CFAP47: variants seen among roughly 807,000 people sequenced by gnomAD.
The protein encoded by CFAP47 is cilia- and flagella-associated protein 47.
Under a neutral mutation model 148.1 loss-of-function variants are expected in CFAP47, and 29 were observed. The ratio of observed to expected loss-of-function variants is 0.20; its 90% confidence interval spans 0.15 to 0.27. The LOEUF is 0.27. Ranked by LOEUF, CFAP47 falls within the 10% of genes least tolerant of loss-of-function variation. The pLI, the probability that CFAP47 is intolerant of heterozygous loss-of-function variation, is 1.00. For missense variants in CFAP47, 1,872 were observed against 1,697.5 expected, an observed-to-expected ratio of 1.10 and a Z score of -1.81; for synonymous variants, 664 against 577.3, an observed-to-expected ratio of 1.15 and a Z score of -2.15.
intron 1 of CFAP47, among the ~76,000 whole-genome samples, chrX:35,924,275 G>T (rs1935675406): frequency 9.7e-6 from 1 of 102,659 alleles, no homozygotes; most frequent in Admixed American, 1.0e-4. Context: ...GTACATGTAT[G>T]TGTATATGTA....
chrX:36,034,135 G>T (rs1298128628), intron 23 of CFAP47, among the ~76,000 whole-genome samples: 1 of 111,489 alleles, frequency 9.0e-6, no homozygotes. Flanking sequence ...ACCTGTGACA[G>T]GCTCGCAATC....
intron 56 of CFAP47, among the ~76,000 whole-genome samples, chrX:36,318,870 T>C (rs1556011535): frequency 1.8e-5 from 2 of 111,580 alleles, no homozygotes; most frequent in African/African-American, 6.5e-5. Context: ...GATGTGGTCT[T>C]GCTATGTTGC....
chrX:36,050,836 G>C (rs1225482808), intron 26 of CFAP47, among the ~76,000 whole-genome samples: 1 of 111,946 alleles, frequency 8.9e-6, no homozygotes, highest in Non-Finnish European at 1.9e-5. Context: ...CCTGAGCCAG[G>C]TCCAGGGTAC....
intron 45 of CFAP47, among the ~76,000 whole-genome samples, chrX:36,217,658 G>A (rs782599617): frequency 4.0e-4 from 44 of 111,161 alleles, no homozygotes; most frequent in African/African-American, 1.0e-3. Flanking sequence ...GGTTTTCTGC[G>A]CAATCCAAAT....
At position 36,279,489 on chromosome X, in the gene CFAP47, G is replaced by A. The variant is rs782787927; in HGVS notation, c.7445-998G>A. 2.1e-4 allele frequency among the ~76,000 whole-genome samples: 23 copies of A among 111,812 alleles called. No individual in the cohort carries two copies. The South Asian group carries it at 3.7e-3, about 18-fold the overall frequency. ...CTAAACAGTATTTATAGGCATTGCT[G>A]TAAACTATTTGATTTTGATGCATGG... On this transcript the variant is annotated intron_variant, in intron 49 of 63. Coordinates refer to ENST00000378653, the MANE Select transcript of CFAP47 (RefSeq NM_001304548.2).
intron 37 of CFAP47, among the ~76,000 whole-genome samples, chrX:36,149,428 A>G (rs1051738724): frequency 4.5e-5 from 5 of 110,653 alleles, no homozygotes; most frequent in Admixed American, 1.9e-4. Flanking sequence ...CAGCTGTTTT[A>G]TATGTGCATT....
chrX:36,182,516 T>A (rs1035893623), intron 40 of CFAP47, among the ~76,000 whole-genome samples: 1 of 112,005 alleles, frequency 8.9e-6, no homozygotes, highest in Non-Finnish European at 1.9e-5. Context: ...AAATAATACT[T>A]AGTAACGTTA....
At chrX:36,172,776 T>G (rs1439576805) in intron 39 of CFAP47, among the ~76,000 whole-genome samples, 2 of 111,662 alleles carry the variant, frequency 1.8e-5, no homozygotes, top group Non-Finnish European at 3.8e-5. Flanking sequence ...TGGTTGTGTC[T>G]CTGCCCGGCT....
At chrX:36,259,961 G>A (rs1378056106) in intron 49 of CFAP47, among the ~76,000 whole-genome samples, 2 of 111,370 alleles carry the variant, frequency 1.8e-5, no homozygotes, top group African/African-American at 6.6e-5. Flanking sequence ...GAGAACATGT[G>A]ATATTTGGTT....
At chrX:36,212,397 A>G (rs1023685730) in intron 45 of CFAP47, among the ~76,000 whole-genome samples, 5 of 111,303 alleles carry the variant, frequency 4.5e-5, no homozygotes, top group African/African-American at 1.6e-4. Context: ...CTTCCCAACC[A>G]CAAATGGATT....
At chrX:36,220,309 C>T (rs183828545) in intron 45 of CFAP47, among the ~76,000 whole-genome samples, 4 of 110,809 alleles carry the variant, frequency 3.6e-5, no homozygotes, top group East Asian at 5.7e-4. Context: ...GCGTGTATTC[C>T]GAAATCTGAA....
chrX:36,376,611 A>G (rs1942025456), intron 62 of CFAP47, among the ~76,000 whole-genome samples: 1 of 112,081 alleles, frequency 8.9e-6, no homozygotes, highest in African/African-American at 3.3e-5. Context: ...ACTGGCTTCA[A>G]TATAGTTCGT....
chrX:36,018,138 G>T (rs1051801283), intron 22 of CFAP47, among the ~76,000 whole-genome samples: 2 of 111,477 alleles, frequency 1.8e-5, no homozygotes, highest in South Asian at 7.5e-4. Flanking sequence ...TTGTAAATGG[G>T]AATACTTTTA....
chrX:36,271,363 G>A (rs2146937871), intron 49 of CFAP47, among the ~76,000 whole-genome samples: 1 of 111,313 alleles, frequency 9.0e-6, no homozygotes, highest in South Asian at 3.8e-4. Context: ...AGCAGTTGGA[G>A]GCAATGAAGC....
chrX:36,382,163 C>T (rs1433198269), intron 63 of CFAP47, among the ~76,000 whole-genome samples: 1 of 111,123 alleles, frequency 9.0e-6, no homozygotes, highest in Non-Finnish European at 1.9e-5. Context: ...GGGAAGAAAT[C>T]GATAAAGGGT....
At chrX:36,255,021 T>G (rs1216047261) in intron 49 of CFAP47, among the ~76,000 whole-genome samples, 1 of 111,510 alleles carries the variant, frequency 9.0e-6, no homozygotes, top group African/African-American at 3.3e-5. Context: ...GGGAACTGGA[T>G]GGATTTGGAA....
chrX:36,132,677 T>A (rs1418045924), intron 33 of CFAP47, among the ~76,000 whole-genome samples: 1 of 111,824 alleles, frequency 8.9e-6, no homozygotes, highest in Non-Finnish European at 1.9e-5. Context: ...AGGCATAGGA[T>A]CAGAGATTAG....
intron 59 of CFAP47, 98 bp from the exon 60 acceptor site, chrX:36,353,431 G>A (rs1213107630): frequency 3.4e-5 from 26 of 756,158 alleles, no homozygotes; most frequent in Non-Finnish European, 4.6e-5. Flanking sequence ...GTATATCAAA[G>A]GAAGTTTTAT....
chrX:35,960,407 A>AAAAAAAAAAAT, intron 8 of CFAP47, among the ~76,000 whole-genome samples: 2 of 100,006 alleles, frequency 2.0e-5, no homozygotes, highest in African/African-American at 7.4e-5. Context: ...AAAAAAAAAA[A>AAAAAAAAAAAT]GGACAGCTGG....
Sources: gnomAD v4.1 joint callset for allele counts (sites outside exome capture counted in the v4.1 genomes callset) on GRCh38, gnomAD v4.1.1 for gene constraint, MANE v1.5 for transcripts, NCBI Gene and HGNC (gene_info 2026-07-23, HGNC 2026-07-21) for gene names.